Variants in PLAC8 observed in about 807,000 individuals in gnomAD.
PLAC8 encodes the protein placenta-specific gene 8 protein.
PLAC8 carries 6 observed loss-of-function variants against 12.6 expected under a neutral mutation model. The observed-to-expected ratio is 0.48, with a 90% confidence interval of 0.26 to 0.94. The LOEUF (loss-of-function observed/expected upper bound fraction) is 0.94. Ranked by LOEUF, PLAC8 falls within the 40% of genes least tolerant of loss-of-function variation. The pLI, the probability that PLAC8 is intolerant of heterozygous loss-of-function variation, is 0.14. For missense variants in PLAC8, 122 were observed against 152.7 expected, an observed-to-expected ratio of 0.80 and a Z score of 1.06; for synonymous variants, 54 against 52.6, an observed-to-expected ratio of 1.03 and a Z score of -0.11.
intron 1 of PLAC8, among the ~76,000 whole-genome samples, chr4:83,113,121 G>A (rs1732460373): frequency 6.6e-6 from 1 of 152,350 alleles, no homozygotes; most frequent in South Asian, 2.1e-4. Context: ...GATAGAATGA[G>A]CTAGGGTCTA....
At chr4:83,102,559 A>C (rs1732129815) in intron 3 of PLAC8, among the ~76,000 whole-genome samples, 1 of 152,094 alleles carries the variant, frequency 6.6e-6, no homozygotes, top group South Asian at 2.1e-4. Context: ...ACAGAAAAAC[A>C]TTCATGATTC....
At chr4:83,105,121 T>G in intron 2 of PLAC8, 101 bp from the exon 3 acceptor site, 1 of 1,370,038 alleles carries the variant, frequency 7.3e-7, no homozygotes, top group Non-Finnish European at 1.0e-6. Context: ...TCATGGGGCC[T>G]TGGCCGCAAA....
chr4:83,090,994 T>C (rs574773519), intron 4 of PLAC8, 23 bp from the exon 5 acceptor site: 1 of 152,322 alleles, frequency 6.6e-6, no homozygotes, highest in East Asian at 1.9e-4. Context: ...CACAAGAGTT[T>C]TGAATTTTCT....
intron 1 of PLAC8, among the ~76,000 whole-genome samples, chr4:83,108,395 C>A (rs1016534883): frequency 6.6e-6 from 1 of 152,090 alleles, no homozygotes; most frequent in Non-Finnish European, 1.5e-5. Context: ...GAATTCGAGA[C>A]CAGCCTGGCC....
chr4:83,112,748 G>A (rs1374375886), intron 1 of PLAC8, among the ~76,000 whole-genome samples: 1 of 152,144 alleles, frequency 6.6e-6, no homozygotes, highest in African/African-American at 2.4e-5. Flanking sequence ...AAAATTCAAG[G>A]TATCTTTTAA....
chr4:83,091,606 TAGAG>T (rs1731808720), intron 4 of PLAC8, among the ~76,000 whole-genome samples: 1 of 152,242 alleles, frequency 6.6e-6, no homozygotes, highest in African/African-American at 2.4e-5. Flanking sequence ...CCATACAGTA[TAGAG>T]AGTGCACTTG....
intron 3 of PLAC8, among the ~76,000 whole-genome samples, chr4:83,098,527 A>G (rs1028159853): frequency 6.6e-6 from 1 of 152,238 alleles, no homozygotes; most frequent in African/African-American, 2.4e-5. Context: ...AGCACCAAAG[A>G]TGCACTAATG....
intron 1 of PLAC8, among the ~76,000 whole-genome samples, chr4:83,110,795 G>A (rs1023269965): frequency 1.3e-5 from 2 of 152,170 alleles, no homozygotes; most frequent in African/African-American, 4.8e-5. Context: ...TTGGGTGATG[G>A]CTTCCCACAT....
At chr4:83,112,041 G>A (rs192947220) in intron 1 of PLAC8, among the ~76,000 whole-genome samples, 34 of 152,154 alleles carry the variant, frequency 2.2e-4, no homozygotes, top group African/African-American at 7.0e-4. Flanking sequence ...GGGTGTGGTA[G>A]TGTATGCCTG....
intron 3 of PLAC8, among the ~76,000 whole-genome samples, chr4:83,101,473 T>A (rs778942634): frequency 1.3e-5 from 2 of 152,230 alleles, no homozygotes; most frequent in Non-Finnish European, 2.9e-5. Flanking sequence ...AGGAAAGATG[T>A]CTTCTCCGTA....
At chr4:83,094,647 T>A (rs753918426) in intron 4 of PLAC8, 31 bp downstream of exon 4, 1 of 1,135,668 alleles carries the variant, frequency 8.8e-7, no homozygotes, top group South Asian at 1.4e-5. Flanking sequence ...AAAACCCACA[T>A]GTTCTGAGAG....
chr4:83,102,537 TCAAAAAA>T (rs1732126681), intron 3 of PLAC8, among the ~76,000 whole-genome samples: 1 of 151,562 alleles, frequency 6.6e-6, no homozygotes, highest in Non-Finnish European at 1.5e-5. Flanking sequence ...AGACCCTGTC[TCAAAAAA>T]CAAAACAGAA....
At chr4:83,103,034 C>T (rs1432502860) in intron 3 of PLAC8, among the ~76,000 whole-genome samples, 2 of 146,846 alleles carry the variant, frequency 1.4e-5, no homozygotes, top group Non-Finnish European at 3.0e-5. Context: ...TGCAGTGAGC[C>T]GAGATGGCGC....
At chr4:83,100,019 A>G (rs997990748) in intron 3 of PLAC8, among the ~76,000 whole-genome samples, 1 of 150,968 alleles carries the variant, frequency 6.6e-6, no homozygotes, top group African/African-American at 2.4e-5. Context: ...AAAAAAAACA[A>G]AAAACTGCCG....
At chr4:83,097,096 G>A (rs906375936) in intron 3 of PLAC8, among the ~76,000 whole-genome samples, 2 of 152,078 alleles carry the variant, frequency 1.3e-5, no homozygotes, top group African/African-American at 4.8e-5. Context: ...TACTTATTTG[G>A]TCCTAGAAAC....
chr4:83,102,330 C>T (rs1413199219), intron 3 of PLAC8, among the ~76,000 whole-genome samples: 2 of 151,716 alleles, frequency 1.3e-5, no homozygotes, highest in African/African-American at 4.8e-5. Context: ...TCAGGAGTTT[C>T]GAGACCAGCC....
chr4:83,099,103 G>A (rs1049413401), intron 3 of PLAC8, among the ~76,000 whole-genome samples: 1 of 152,058 alleles, frequency 6.6e-6, no homozygotes, highest in East Asian at 1.9e-4. Context: ...TTAAATGACT[G>A]TGTGCCACAG....
intron 3 of PLAC8, among the ~76,000 whole-genome samples, chr4:83,101,274 C>A (rs755850127): frequency 4.8e-4 from 73 of 151,994 alleles, no homozygotes; most frequent in Non-Finnish European, 1.6e-4. Context: ...CAGCTACTGG[C>A]GAGGCTGAGG....
At chr4:83,114,566 T>G (rs1732488750) in intron 1 of PLAC8, 100 bp downstream of exon 1, 1 of 151,656 alleles carries the variant, frequency 6.6e-6, no homozygotes, top group Non-Finnish European at 1.5e-5. Context: ...AAATATAACA[T>G]GCTAAGAAAA....
Sources: gnomAD v4.1 joint callset for allele counts (sites outside exome capture counted in the v4.1 genomes callset) on GRCh38, gnomAD v4.1.1 for gene constraint, MANE v1.5 for transcripts, NCBI Gene and HGNC (gene_info 2026-07-23, HGNC 2026-07-21) for gene names.